TMC1: variants seen among roughly 807,000 people sequenced by gnomAD.
TMC1 encodes transmembrane channel like 1, also known as transmembrane channel-like protein 1.
TMC1 carries 84 observed loss-of-function variants against 105.8 expected under a neutral mutation model. That is an observed-to-expected ratio of 0.79 (90% CI 0.67 to 0.95). The LOEUF is 0.95. Ranked by LOEUF, TMC1 falls within the 40% of genes least tolerant of loss-of-function variation. The pLI is 0.00. For synonymous variants in TMC1, 315 were observed against 311.5 expected (o/e 1.01, Z -0.12); for missense variants, 817 against 914.1 (o/e 0.89, Z 1.37).
intron 8 of TMC1, among the ~76,000 whole-genome samples, chr9:72,731,418 C>A (rs1827210341): frequency 6.6e-6 from 1 of 152,048 alleles, no homozygotes; most frequent in Admixed American, 6.6e-5. Context: ...GTTGGCCTAA[C>A]TCTAGAACTG....
chr9:72,754,915 G>A, intron 12 of TMC1, 31 bp downstream of exon 12: 2 of 1,524,058 alleles, frequency 1.3e-6, no homozygotes, highest in Non-Finnish European at 1.8e-6. Context: ...GTATTGGTGG[G>A]AGGATGGATT....
At chr9:72,668,133 C>T (rs549967618) in intron 5 of TMC1, among the ~76,000 whole-genome samples, 36 of 152,240 alleles carry the variant, frequency 2.4e-4, no homozygotes, top group South Asian at 1.9e-3. Flanking sequence ...AGTATAGATT[C>T]GAGTGCCTTT....
At chr9:72,827,491 C>T (rs1379662088) in intron 21 of TMC1, among the ~76,000 whole-genome samples, 2 of 152,128 alleles carry the variant, frequency 1.3e-5, no homozygotes, top group African/African-American at 4.8e-5. Flanking sequence ...GTTAGAGGGC[C>T]GCCAATAACT....
intron 8 of TMC1, among the ~76,000 whole-genome samples, chr9:72,737,298 G>C (rs994141636): frequency 6.6e-6 from 1 of 152,172 alleles, no homozygotes; most frequent in Non-Finnish European, 1.5e-5. Context: ...TTAGAACAAG[G>C]TCACGGTTTC....
intron 2 of TMC1, among the ~76,000 whole-genome samples, chr9:72,584,898 C>T (rs955240394): frequency 4.7e-5 from 7 of 147,584 alleles, no homozygotes; most frequent in Middle Eastern, 3.7e-3. Flanking sequence ...GATTCTCCTA[C>T]GTCAGCCTCC....
chr9:72,652,947 G>A (rs1381202378), intron 5 of TMC1, among the ~76,000 whole-genome samples: 1 of 152,088 alleles, frequency 6.6e-6, no homozygotes, highest in Admixed American at 6.5e-5. Flanking sequence ...ACAATACAAA[G>A]ATAAGCCTTG....
chr9:72,582,683 C>T (rs543295801), intron 2 of TMC1, among the ~76,000 whole-genome samples: 16 of 152,318 alleles, frequency 1.1e-4, no homozygotes, highest in Admixed American at 2.0e-4. Flanking sequence ...TAAATCAAAA[C>T]TTAATAACAC....
intron 12 of TMC1, among the ~76,000 whole-genome samples, chr9:72,771,637 G>C (rs889729002): frequency 1.3e-5 from 2 of 152,202 alleles, no homozygotes; most frequent in African/African-American, 4.8e-5. Context: ...GGAGTGGATA[G>C]CTGTAGTGAT....
intron 4 of TMC1, among the ~76,000 whole-genome samples, chr9:72,642,259 A>T (rs1825641080): frequency 6.6e-6 from 1 of 152,080 alleles, no homozygotes; most frequent in Non-Finnish European, 1.5e-5. Context: ...CTATTCCAGG[A>T]TCTTATGATC....
At chr9:72,529,475 A>G (rs760396507) in intron 1 of TMC1, among the ~76,000 whole-genome samples, 13 of 152,272 alleles carry the variant, frequency 8.5e-5, no homozygotes, top group Middle Eastern at 3.4e-3. Flanking sequence ...CTGCTGTAAT[A>G]AACCTGCACG....
intron 21 of TMC1, among the ~76,000 whole-genome samples, chr9:72,829,772 CTTTG>C (rs903957533): frequency 2.2e-4 from 33 of 152,122 alleles, no homozygotes; most frequent in Non-Finnish European, 3.2e-4. Flanking sequence ...TGCATTTCTT[CTTTG>C]TTTGTTTGTT....
chr9:72,546,490 G>C (rs1408077445), intron 1 of TMC1, among the ~76,000 whole-genome samples: 1 of 152,126 alleles, frequency 6.6e-6, no homozygotes, highest in Non-Finnish European at 1.5e-5. Flanking sequence ...TTCCGGTAAC[G>C]TCAGACCAGC....
At chr9:72,689,446 G>A (rs1018964594) in intron 6 of TMC1, among the ~76,000 whole-genome samples, 1 of 152,106 alleles carries the variant, frequency 6.6e-6, no homozygotes, top group African/African-American at 2.4e-5. Flanking sequence ...GTATATGTCT[G>A]CTAGGTCTGT....
chr9:72,584,784 C>CTTTTCTT (rs71493662), intron 2 of TMC1, among the ~76,000 whole-genome samples: 7 of 112,990 alleles, frequency 6.2e-5, no homozygotes, highest in South Asian at 6.0e-4. Context: ...CTTTTCTTTT[C>CTTTTCTT]TTTTTTTTTT....
intron 1 of TMC1, among the ~76,000 whole-genome samples, chr9:72,544,464 T>G (rs1823730452): frequency 6.7e-6 from 1 of 148,684 alleles, no homozygotes; most frequent in African/African-American, 2.5e-5. Flanking sequence ...TTCCCTTTGT[T>G]GTTGATTTTT....
intron 17 of TMC1, among the ~76,000 whole-genome samples, chr9:72,797,871 A>T (rs1466571209): frequency 6.6e-6 from 1 of 152,178 alleles, no homozygotes; most frequent in Non-Finnish European, 1.5e-5. Context: ...AACAAATGGG[A>T]TCTAACTAAA....
intron 17 of TMC1, among the ~76,000 whole-genome samples, chr9:72,804,507 G>A (rs1363813612): frequency 6.6e-6 from 1 of 152,192 alleles, no homozygotes; most frequent in Admixed American, 6.5e-5. Context: ...CCATTGTGCA[G>A]ACATTTAATT....
At chr9:72,752,032 G>A in intron 11 of TMC1, 76 bp downstream of exon 11, 1 of 975,590 alleles carries the variant, frequency 1.0e-6, no homozygotes, top group Non-Finnish European at 1.6e-6. Flanking sequence ...CTTCTTTAAA[G>A]TAGAATAATT....
chr9:72,820,796 A>AT (rs778809702), intron 19 of TMC1, 46 bp from the exon 20 acceptor site: 2 of 1,612,236 alleles, frequency 1.2e-6, no homozygotes, highest in East Asian at 4.5e-5. Context: ...TGACTTTGTT[A>AT]TGGAGTAAAG....
Sources: gnomAD v4.1 joint callset for allele counts (sites outside exome capture counted in the v4.1 genomes callset) on GRCh38, gnomAD v4.1.1 for gene constraint, MANE v1.5 for transcripts, NCBI Gene and HGNC (gene_info 2026-07-23, HGNC 2026-07-21) for gene names.